Variants in MTA3 observed in about 807,000 individuals in gnomAD.
The protein encoded by MTA3 is metastasis associated 1 family member 3.
A neutral mutation model predicts 83.5 loss-of-function variants in MTA3; 34 were observed. That is an observed-to-expected ratio of 0.41 (90% CI 0.31 to 0.54). MTA3 has a LOEUF of 0.54. Among genes scored for constraint, MTA3 ranks in the 20% least tolerant of loss-of-function variants. The pLI is 0.33. For missense variants in MTA3, 761 were observed against 726.4 expected (o/e 1.05, Z -0.55); for synonymous variants, 303 against 252.7 (o/e 1.20, Z -1.89).
intron 10 of MTA3, among the ~76,000 whole-genome samples, chr2:42,696,351 A>G (rs150489277): frequency 6.6e-6 from 1 of 152,298 alleles, no homozygotes; most frequent in East Asian, 1.9e-4. Context: ...TTTTTCTTAA[A>G]TGTAATTTTT....
chr2:42,629,930 C>T (rs989715656), intron 4 of MTA3, among the ~76,000 whole-genome samples: 2 of 152,078 alleles, frequency 1.3e-5, no homozygotes, highest in Non-Finnish European at 2.9e-5. Flanking sequence ...AGCGGCCTGT[C>T]ACCACACCCG....
intron 2 of MTA3, among the ~76,000 whole-genome samples, chr2:42,502,903 A>T (rs1440718293): frequency 6.6e-6 from 1 of 151,752 alleles, no homozygotes; most frequent in East Asian, 1.9e-4. Context: ...CAGAGGTTGC[A>T]GTGAGCTGAG....
At chr2:42,509,977 G>T (rs1302243517) in intron 2 of MTA3, among the ~76,000 whole-genome samples, 1 of 151,996 alleles carries the variant, frequency 6.6e-6, no homozygotes, top group African/African-American at 2.4e-5. Flanking sequence ...GGTAGAGAAG[G>T]TCTTGGCACT....
intron 3 of MTA3, among the ~76,000 whole-genome samples, chr2:42,579,982 C>T (rs1284482507): frequency 2.0e-5 from 3 of 152,168 alleles, no homozygotes; most frequent in Non-Finnish European, 4.4e-5. Flanking sequence ...TGCTCTGTTG[C>T]CCAGGCTGGA....
intron 2 of MTA3, among the ~76,000 whole-genome samples, chr2:42,508,095 G>A (rs1674720831): frequency 6.6e-6 from 1 of 152,152 alleles, no homozygotes; most frequent in South Asian, 2.1e-4. Flanking sequence ...GGCACCTGCT[G>A]TTCCCTCTGC....
intron 16 of MTA3, among the ~76,000 whole-genome samples, chr2:42,726,811 C>T (rs925299666): frequency 6.6e-6 from 1 of 152,200 alleles, no homozygotes; most frequent in Non-Finnish European, 1.5e-5. Context: ...ATAGTCAGAA[C>T]TCTGTATGCT....
intron 2 of MTA3, among the ~76,000 whole-genome samples, chr2:42,559,762 G>A (rs1677577117): frequency 7.0e-6 from 1 of 143,070 alleles, no homozygotes; most frequent in Non-Finnish European, 1.5e-5. Context: ...TGTAATCCCA[G>A]CTACTCTGGA....
intron 4 of MTA3, among the ~76,000 whole-genome samples, chr2:42,614,970 C>A (rs1317586415): frequency 1.0e-5 from 1 of 100,402 alleles, no homozygotes; most frequent in Admixed American, 1.2e-4. Context: ...GAGCAAGACT[C>A]TGTCTTAAAA....
chr2:42,677,857 G>C (rs1691524628), intron 8 of MTA3, among the ~76,000 whole-genome samples: 1 of 152,132 alleles, frequency 6.6e-6, no homozygotes, highest in African/African-American at 2.4e-5. Flanking sequence ...GACTAATACA[G>C]TGCGCTCCCT....
chr2:42,680,707 C>T (rs552809569), intron 8 of MTA3, among the ~76,000 whole-genome samples: 6 of 152,262 alleles, frequency 3.9e-5, no homozygotes, highest in Admixed American at 3.9e-4. Context: ...GTTTTTCAAA[C>T]CTCGAAGTTT....
intron 2 of MTA3, among the ~76,000 whole-genome samples, chr2:42,578,569 T>G (rs1679293489): frequency 6.6e-6 from 1 of 152,214 alleles, no homozygotes. Flanking sequence ...CCTGGTCTAT[T>G]CTGCATGATG....
intron 16 of MTA3, among the ~76,000 whole-genome samples, chr2:42,749,086 G>T (rs1041493045): frequency 1.3e-5 from 2 of 152,210 alleles, no homozygotes; most frequent in Non-Finnish European, 2.9e-5. Context: ...TTTCCATCGG[G>T]CTCCTGGGAA....
rs568579074 is a variant in MTA3 at position 42,751,975 on chromosome 2, A to G, written c.1760-1399A>G. On this transcript the variant is annotated intron_variant, in intron 16 of 16. Coordinates refer to ENST00000405094, the MANE Select transcript of MTA3 (RefSeq NM_001330442.2). The stretch of plus-strand genomic sequence containing the variant: ...TGAGCAGCTTGGTGTAGTAGGAAAA[A>G]CTTGACACAAATTAAGGTCTACATT... Among the ~76,000 whole-genome samples, 4 of 152,248 alleles carry G rather than the reference A, an allele frequency of 2.6e-5. No homozygotes were observed. The East Asian group carries it at 7.7e-4, about 29-fold the overall frequency.
intron 2 of MTA3, among the ~76,000 whole-genome samples, chr2:42,503,642 A>G (rs1247929769): frequency 2.6e-5 from 4 of 152,218 alleles, no homozygotes; most frequent in African/African-American, 7.2e-5. Flanking sequence ...AAGGAGCTCA[A>G]GAATTTCCTT....
chr2:42,575,935 A>G (rs1678988378), intron 2 of MTA3, among the ~76,000 whole-genome samples: 1 of 152,090 alleles, frequency 6.6e-6, no homozygotes, highest in South Asian at 2.1e-4. Context: ...AGTTTCTGGG[A>G]CTGGGGTTGT....
intron 4 of MTA3, among the ~76,000 whole-genome samples, chr2:42,628,069 A>T (rs1358588764): frequency 6.6e-6 from 1 of 151,678 alleles, no homozygotes; most frequent in Non-Finnish European, 1.5e-5. Context: ...ATTTTTGGTT[A>T]GACCAGGTTT....
intron 9 of MTA3, among the ~76,000 whole-genome samples, chr2:42,689,038 AATC>A (rs1242051891): frequency 1.3e-5 from 2 of 152,194 alleles, no homozygotes; most frequent in South Asian, 4.1e-4. Context: ...TTTTTAAAAA[AATC>A]ATGAATGATG....
intron 9 of MTA3, among the ~76,000 whole-genome samples, chr2:42,692,026 C>G (rs1027863268): frequency 8.5e-5 from 13 of 152,108 alleles, no homozygotes; most frequent in Non-Finnish European, 1.6e-4. Context: ...TTGGGAAATT[C>G]CCTAATATTA....
At chr2:42,683,655 T>C (rs1692127985) in intron 9 of MTA3, among the ~76,000 whole-genome samples, 1 of 152,196 alleles carries the variant, frequency 6.6e-6, no homozygotes, top group African/African-American at 2.4e-5. Flanking sequence ...TGATAGATCA[T>C]TAGGCATTAG....
Sources: allele counts gnomAD v4.1 joint callset (sites outside exome capture counted in the v4.1 genomes callset), GRCh38; gene constraint gnomAD v4.1.1; transcripts MANE v1.5; gene names NCBI Gene and HGNC (gene_info 2026-07-23, HGNC 2026-07-21).